CST4: variants seen among roughly 807,000 people sequenced by gnomAD.
The protein encoded by CST4 is cystatin-S.
CST4 carries 17 observed loss-of-function variants against 11.2 expected under a neutral mutation model. The observed-to-expected ratio is 1.52, with a 90% CI of 1.04 to 2.27. CST4 has a LOEUF of 2.27. Ranked by LOEUF, CST4 falls within the 30% of genes most tolerant of loss-of-function variation. The probability of loss-of-function intolerance (pLI) is 0.00; values close to 1 mark genes in which losing one functional copy is unlikely to be tolerated. For synonymous variants in CST4, 93 were observed against 70.1 expected, an observed-to-expected ratio of 1.33 and a Z score of -1.63; for missense variants, 251 against 180.2, an observed-to-expected ratio of 1.39 and a Z score of -2.25.
intron 1 of CST4, among the ~76,000 whole-genome samples, chr20:23,688,379 A>C (rs1051905772): frequency 3.3e-5 from 5 of 152,148 alleles, no homozygotes; most frequent in South Asian, 2.1e-4. Flanking sequence ...CCCTGAGGAG[A>C]GGACTCAGGG....
Position 23,687,068 on chromosome 20 carries a change from G to A in CST4, c.342+20C>T, listed in dbSNP as rs1304767349. On this transcript the variant is annotated intron_variant, in intron 2 of 2. Transcript: ENST00000217423. ...CCTCTGCAGTGCATGACTGGCCCGGGACCCGCATCAGGAACGTACCTTCTG... is the reference window on the plus strand; with the variant it reads ...CCTCTGCAGTGCATGACTGGCCCGGAACCCGCATCAGGAACGTACCTTCTG... 1.4e-5 allele frequency: 22 copies of A among 1,614,046 alleles called. No individual in the cohort carries two copies. Among genetic ancestry groups the A allele is most frequent in the Non-Finnish European group, 1.9e-5 (22 of 1,179,948 alleles).
At chr20:23,686,931 C>A (rs113479766) in intron 2 of CST4, among the ~76,000 whole-genome samples, 157 bp downstream of exon 2, 3 of 152,146 alleles carry the variant, frequency 2.0e-5, no homozygotes, top group South Asian at 2.1e-4. Context: ...TGCACACCCC[C>A]CCATAAGTAC....
chr20:23,688,154 C>T lies in CST4; in HGVS notation c.228+588G>A, dbSNP rs1981106898. On this transcript the variant is annotated intron_variant, in intron 1 of 2. Transcript: ENST00000217423. ...CCTCCTCTGCTCTGCTGGGTGACTG[C>T]TGTCCTCATCTGGCTGAGGTCTAAC... Among the ~76,000 whole-genome samples the T allele has an allele frequency of 2.6e-5, 4 of 152,364 alleles. No homozygotes were observed. The South Asian group carries it at 8.3e-4, about 32-fold the overall frequency.
chr20:23,687,641 T>C (rs1981090519), intron 1 of CST4, among the ~76,000 whole-genome samples: 1 of 152,134 alleles, frequency 6.6e-6, no homozygotes, highest in Non-Finnish European at 1.5e-5. Context: ...AAGTGTGAGG[T>C]TCAAGATACG....
At chr20:23,686,590 C>A (rs552808732) in intron 2 of CST4, among the ~76,000 whole-genome samples, 1 of 151,982 alleles carries the variant, frequency 6.6e-6, no homozygotes, top group Non-Finnish European at 1.5e-5. Context: ...TAGACAGATC[C>A]CCTTCTCCCT....
intron 2 of CST4, among the ~76,000 whole-genome samples, 153 bp downstream of exon 2, chr20:23,686,935 T>C (rs112437113): frequency 2.0e-5 from 3 of 151,632 alleles, no homozygotes; most frequent in South Asian, 2.1e-4. Context: ...CACCCCCCCA[T>C]AAGTACATGA....
intron 1 of CST4, among the ~76,000 whole-genome samples, chr20:23,688,151 C>T (rs73902129): frequency 0.029 from 4,449 of 152,332 alleles, 204 homozygotes; most frequent in African/African-American, 0.1. Context: ...TGCTGGGTGA[C>T]TGCTGTCCTC....
Position 23,688,906 on chromosome 20 carries a change from T to C in CST4, c.64A>G (p.Ser22Gly). The stretch of plus-strand genomic sequence containing the variant: ...ATTATCCTATTCTCCTCCTTGGAGC[T>C]CGAGGCCAGAGCCCCAGCCAGGGTA... ...MATLAGALAS[S>G]SKEENRIIPG... The change falls in exon 1 of 3, where the codon AGC becomes GGC. Residue 22 changes from serine (S) to glycine (G), a missense_variant. Coordinates refer to ENST00000217423, the MANE Select transcript of CST4 (RefSeq NM_001899.3). 1 of 1,614,142 alleles carries C rather than the reference T, an allele frequency of 6.2e-7. No homozygotes were observed. Among genetic ancestry groups the C allele is most frequent in the South Asian group, 1.1e-5 (1 of 91,084 alleles).
At chr20:23,686,118 C>G in intron 2 of CST4, 141 bp from the exon 3 acceptor site, 1 of 873,632 alleles carries the variant, frequency 1.1e-6, no homozygotes, top group Non-Finnish European at 1.8e-6. Context: ...AGTCCCAGAG[C>G]ACTGAACTAG....
At chr20:23,687,259 C>T (rs910393685) in intron 1 of CST4, 58 bp from the exon 2 acceptor site, 1 of 1,570,582 alleles carries the variant, frequency 6.4e-7, no homozygotes, top group Middle Eastern at 1.7e-4. Context: ...CATGCACTCA[C>T]AGGCACTTCA....
At chr20:23,688,641 G>C in intron 1 of CST4, 101 bp downstream of exon 1, 1 of 1,097,680 alleles carries the variant, frequency 9.1e-7, no homozygotes, top group Non-Finnish European at 1.4e-6. Context: ...CTGAGCATTA[G>C]ATCATGAATG....
chr20:23,685,730 C>T lies in CST4; in HGVS notation c.*164G>A, dbSNP rs1342494668. On this transcript the variant is annotated 3_prime_UTR_variant, in exon 3 of 3. Coordinates refer to ENST00000217423, the MANE Select transcript of CST4 (RefSeq NM_001899.3). ...CAAGAAGGAAGGAGGGAGGGCAGAG[C>T]GCCCTGCTGAGCAACAAAGGACTCC... 2.6e-5 allele frequency: 17 copies of T among 653,622 alleles called. No homozygotes were observed. Among genetic ancestry groups the T allele is most frequent in the Non-Finnish European group, 3.5e-5 (13 of 370,696 alleles). The allele number at this position is 653,622 out of a possible 1,614,324, so 40.5% of individuals were successfully genotyped here.
intron 2 of CST4, among the ~76,000 whole-genome samples, chr20:23,686,768 A>T (rs560389151): frequency 9.2e-5 from 14 of 151,882 alleles, no homozygotes; most frequent in Non-Finnish European, 1.9e-4. Context: ...AACTACGTAA[A>T]CTCACTTGGA....
rs1184902052 is a variant in CST4 at position 23,688,958 on chromosome 20, A to G, written c.12T>C (p.Pro4=). MAR[P]LCTLLLLMAT... is the part of the protein sequence containing the mutation. ...CCATCAGGAGTAGCAGGGTACACAGAGGCCGGGCCATGGTCTCCTCAGAGG... is the reference window on the plus strand; with the variant it reads ...CCATCAGGAGTAGCAGGGTACACAGGGGCCGGGCCATGGTCTCCTCAGAGG... Residue 4 remains proline, a synonymous_variant, in exon 1 of 3, where the codon CCT becomes CCC. Coordinates refer to ENST00000217423, the MANE Select transcript of CST4 (RefSeq NM_001899.3). 6.2e-7 allele frequency: 1 copy of G among 1,613,886 alleles called. No homozygotes were observed. The highest frequency in any genetic ancestry group is 8.5e-7 in the Non-Finnish European group (1 of 1,179,966).
chr20:23,687,908 T>G (rs1471171434), intron 1 of CST4, among the ~76,000 whole-genome samples: 2 of 152,202 alleles, frequency 1.3e-5, no homozygotes, highest in African/African-American at 4.8e-5. Flanking sequence ...AAGAGGGAGA[T>G]GCAGGCCAGC....
chr20:23,687,676 A>C (rs1382945256), intron 1 of CST4, among the ~76,000 whole-genome samples: 7 of 152,348 alleles, frequency 4.6e-5, no homozygotes, highest in African/African-American at 7.2e-5. Flanking sequence ...AGCACACCTG[A>C]GTGTCTTACA....
chr20:23,687,544 T>C (rs1600383599), intron 1 of CST4, among the ~76,000 whole-genome samples: 1 of 152,206 alleles, frequency 6.6e-6, no homozygotes, highest in Non-Finnish European at 1.5e-5. Context: ...TTAACCTAGA[T>C]TTATTACTTC....
chr20:23,688,881 A>AT lies in CST4; in HGVS notation c.88dup (p.Ile30AsnfsTer7). On this transcript the variant is annotated frameshift_variant, in exon 1 of 3. Transcript: ENST00000217423. LOFTEE classifies it high-confidence loss of function. The stretch of plus-strand genomic sequence containing the variant: ...GTCTGCATCATAGATGCCACCTGGG[A>AT]TTATCCTATTCTCCTCCTTGGAGCT... 6.2e-7 allele frequency: 1 copy of AT among 1,614,138 alleles called. No homozygotes were observed. Among genetic ancestry groups the AT allele is most frequent in the Non-Finnish European group, 8.5e-7 (1 of 1,180,030 alleles).
chr20:23,685,974 G>T lies in CST4; in HGVS notation c.346C>A (p.Gln116Lys). Reference protein sequence around the residue: ...FHEQPELQKKQLCSFEIYEVP... With the variant: ...FHEQPELQKKKLCSFEIYEVP... The stretch of plus-strand genomic sequence containing the variant: ...TCGTAGATCTCGAAAGAGCACAACT[G>T]TTTCTGTGAAAGGGAAGAGAGAGGG... The change falls in exon 3 of 3, where the codon CAG (glutamine) becomes AAG (lysine). Residue 116 changes from glutamine to lysine, a missense_variant. Transcript: ENST00000217423. The T allele has an allele frequency of 6.2e-7, 1 of 1,613,830 alleles. No homozygotes were observed. Among genetic ancestry groups the T allele is most frequent in the Admixed American group, 1.7e-5 (1 of 60,026 alleles).
Sources: allele counts gnomAD v4.1 joint callset (sites outside exome capture counted in the v4.1 genomes callset), GRCh38; gene constraint gnomAD v4.1.1; transcripts MANE v1.5; gene names NCBI Gene and HGNC (gene_info 2026-07-23, HGNC 2026-07-21).